Variants in GALNT2 observed in about 807,000 individuals in gnomAD.
The protein encoded by GALNT2 is UDP-GalNAc:polypeptide N-acetylgalactosaminyltransferase 2.
Under a neutral mutation model 81.4 loss-of-function variants are expected in GALNT2, and 31 were observed. The ratio of observed to expected loss-of-function variants is 0.38; its 90% CI spans 0.29 to 0.51. GALNT2 has a LOEUF of 0.51. GALNT2 is among the 20% of genes least tolerant of loss of function. The pLI, the probability that GALNT2 is intolerant of heterozygous loss-of-function variation, is 0.87. For synonymous variants in GALNT2, 303 were observed against 287.4 expected (o/e 1.05, Z -0.55); for missense variants, 629 against 765.7 (o/e 0.82, Z 2.11).
chr1:230,066,937 C>G (rs945698018), upstream of GALNT2, among the ~76,000 whole-genome samples: 1 of 150,496 alleles, frequency 6.6e-6, no homozygotes, highest in African/African-American at 2.4e-5. Flanking sequence ...GCCCTCACGG[C>G]GGAGCCCGGC....
intron 14 of GALNT2, among the ~76,000 whole-genome samples, chr1:230,269,249 A>T (rs1156251477): frequency 1.4e-5 from 2 of 140,238 alleles, no homozygotes; most frequent in African/African-American, 5.5e-5. Context: ...GCAGTGGTGC[A>T]ATCTCGGCTC....
intron 15 of GALNT2, among the ~76,000 whole-genome samples, chr1:230,277,862 A>G (rs1192361201): frequency 6.6e-6 from 1 of 152,166 alleles, no homozygotes; most frequent in Non-Finnish European, 1.5e-5. Context: ...CCATGTTTTC[A>G]TATGTTGTGC....
At chr1:230,068,360 C>T (rs1325586391) in intron 1 of GALNT2, among the ~76,000 whole-genome samples, 1 of 152,336 alleles carries the variant, frequency 6.6e-6, no homozygotes, top group African/African-American at 2.4e-5. Flanking sequence ...AGCAGGGCGT[C>T]GGGCTGTGTG....
At chr1:230,207,746 G>A (rs1157816847) in intron 3 of GALNT2, among the ~76,000 whole-genome samples, 3 of 151,988 alleles carry the variant, frequency 2.0e-5, no homozygotes, top group Non-Finnish European at 4.4e-5. Flanking sequence ...GCATCATGAC[G>A]CTAGGCTAAG....
intron 3 of GALNT2, among the ~76,000 whole-genome samples, chr1:230,203,765 A>C (rs533957326): frequency 6.6e-6 from 1 of 152,306 alleles, no homozygotes. Context: ...GAGCAGAAAC[A>C]CAGGAGGGAC....
intron 1 of GALNT2, among the ~76,000 whole-genome samples, chr1:230,166,272 C>CATACAGTTA (rs1164557341): frequency 2.6e-5 from 4 of 152,032 alleles, no homozygotes; most frequent in Non-Finnish European, 4.4e-5. Context: ...TAAAAAGAAA[C>CATACAGTTA]ATACAGTCCC....
chr1:230,093,603 C>T (rs767846745), intron 1 of GALNT2, among the ~76,000 whole-genome samples: 11 of 152,162 alleles, frequency 7.2e-5, no homozygotes, highest in Non-Finnish European at 1.6e-4. Context: ...CACCCTGGGC[C>T]GTTTACTGGC....
intron 11 of GALNT2, chr1:230,259,111 A>G (rs1665802161): frequency 6.6e-6 from 1 of 152,188 alleles, no homozygotes; most frequent in South Asian, 2.1e-4. Flanking sequence ...AAGTGGAATT[A>G]TATCACTGTA....
At chr1:230,207,767 G>A (rs998360330) in intron 3 of GALNT2, among the ~76,000 whole-genome samples, 1 of 152,106 alleles carries the variant, frequency 6.6e-6, no homozygotes. Context: ...TTTTTGTAGA[G>A]ATGGGGTCTT....
At chr1:230,203,394 T>C in intron 3 of GALNT2, 104 bp downstream of exon 3, 1 of 1,334,580 alleles carries the variant, frequency 7.5e-7, no homozygotes, top group Non-Finnish European at 1.0e-6. Flanking sequence ...CTCTGGGAAA[T>C]TGAATGTGTG....
chr1:230,270,765 G>T (rs1187386784), intron 14 of GALNT2, among the ~76,000 whole-genome samples: 2 of 152,200 alleles, frequency 1.3e-5, no homozygotes, highest in Admixed American at 1.3e-4. Flanking sequence ...AGCCTTGGCA[G>T]ACACACAGGA....
At position 230,067,354 on chromosome 1, in the gene GALNT2, C is replaced by T. The variant is rs1001045258; in HGVS notation, c.74C>T (p.Ser25Leu). 2 of 1,369,034 alleles carry T rather than the reference C, an allele frequency of 1.5e-6. No individual in the cohort carries two copies. The highest frequency in any genetic ancestry group is 1.9e-6 in the Non-Finnish European group (2 of 1,048,594). The allele number at this position is 1,369,034 out of a possible 1,614,324, so 84.8% of individuals were successfully genotyped here. A position where few individuals can be genotyped will look rare whatever the true frequency, so the allele number is the denominator to read the frequency against. ...WVLGIAYYMY[S>L]GGGSALAGGA... ...CTGGGCATCGCCTACTACATGTACTCGGGGGGCGGCTCTGCGCTGGCCGGG... is the reference window on the plus strand; with the variant it reads ...CTGGGCATCGCCTACTACATGTACTTGGGGGGCGGCTCTGCGCTGGCCGGG... The change falls in exon 1 of 16, where the codon TCG becomes TTG. Residue 25 changes from serine (S) to leucine (L), a missense_variant. By Grantham distance (145) the Ser-to-Leu change is moderately radical. Coordinates refer to ENST00000366672, the MANE Select transcript of GALNT2 (RefSeq NM_004481.5).
At chr1:230,253,311 A>G (rs1665608457) in intron 10 of GALNT2, among the ~76,000 whole-genome samples, 2 of 152,202 alleles carry the variant, frequency 1.3e-5, no homozygotes, top group African/African-American at 4.8e-5. Flanking sequence ...TGAGTGAGGC[A>G]TTAGTTTGCT....
At chr1:230,116,463 C>T (rs192632831) in intron 1 of GALNT2, among the ~76,000 whole-genome samples, 65 of 152,262 alleles carry the variant, frequency 4.3e-4, no homozygotes, top group African/African-American at 1.4e-3. Context: ...CTCCTGATCT[C>T]GTGATCTACC....
At chr1:230,107,796 A>G (rs752263848) in intron 1 of GALNT2, among the ~76,000 whole-genome samples, 3 of 152,114 alleles carry the variant, frequency 2.0e-5, no homozygotes, top group Admixed American at 2.0e-4. Flanking sequence ...TGTTTATCAC[A>G]CTCAAGACAT....
chr1:230,263,042 G>A, intron 13 of GALNT2, 37 bp downstream of exon 13: 1 of 1,553,334 alleles, frequency 6.4e-7, no homozygotes, highest in African/African-American at 1.4e-5. Flanking sequence ...ACTTTGTAAG[G>A]GCTTAGAAGC....
chr1:230,236,541 T>G, intron 5 of GALNT2, 119 bp from the exon 6 acceptor site: 1 of 1,398,424 alleles, frequency 7.2e-7, no homozygotes, highest in Non-Finnish European at 1.0e-6. Context: ...AAAGAAGAGG[T>G]GCCTCTGTGA....
In GALNT2 at chr1:230,250,464, A is replaced by C. The variant is rs1358319771; in HGVS notation, c.913A>C (p.Met305Leu). 8 of 1,613,238 alleles carry C rather than the reference A, an allele frequency of 5.0e-6. No individual in the cohort carries two copies. ...TTCTTTCTGCCTCTTTAGAACCCCC[A>C]TGATTGCTGGTGGGCTGTTTGTGAT... ...GNPVAPIKTP[M>L]IAGGLFVMDK... The change falls in exon 10 of 16, where the codon ATG becomes CTG. Residue 305 changes from methionine (M) to leucine (L), a missense_variant. Around this residue, in one of 3 missense-constraint regions of GALNT2, gnomAD observed 360 missense variants for 492.8 expected, o/e 0.73. Transcript: ENST00000366672.
chr1:230,180,444 G>A (rs1663125276), intron 2 of GALNT2, among the ~76,000 whole-genome samples: 2 of 151,828 alleles, frequency 1.3e-5, no homozygotes, highest in South Asian at 2.1e-4. Context: ...CTATATTGGA[G>A]CTCTTTATTT....
Sources: gnomAD v4.1 joint callset for allele counts (sites outside exome capture counted in the v4.1 genomes callset) on GRCh38, gnomAD v4.1.1 for gene constraint, gnomAD v4.1.1 regional missense constraint, MANE v1.5 for transcripts, NCBI Gene and HGNC (gene_info 2026-07-23, HGNC 2026-07-21) for gene names.